NRXN1: variants seen among roughly 807,000 people sequenced by gnomAD.
NRXN1 encodes neurexin 1.
A neutral mutation model predicts 150.9 loss-of-function variants in NRXN1; 39 were observed. The observed-to-expected ratio is 0.26, with a 90% CI of 0.20 to 0.34. The LOEUF (loss-of-function observed/expected upper bound fraction) is 0.34, where lower values mean the gene tolerates loss of function less well. Ranked by LOEUF, NRXN1 falls within the 10% of genes least tolerant of loss-of-function variation. The pLI is 1.00. For missense variants in NRXN1, 1,815 were observed against 1,949.9 expected (o/e 0.93, Z 1.30); for synonymous variants, 924 against 757.0 (o/e 1.22, Z -3.62).
intron 8 of NRXN1, among the ~76,000 whole-genome samples, chr2:50,581,578 T>C (rs1672267643): frequency 6.6e-6 from 1 of 152,198 alleles, no homozygotes; most frequent in Non-Finnish European, 1.5e-5. Flanking sequence ...TTTTCTGTGA[T>C]AATTTTTATT....
rs556206169 is a variant in NRXN1 at position 50,216,397 on chromosome 2, T to C, written c.3546+20392A>G. 1.0e-3 allele frequency among the ~76,000 whole-genome samples: 156 copies of C among 152,170 alleles called. 1 individual carries two copies. The South Asian group carries it at 0.031, about 31-fold the overall frequency. On this transcript the variant is annotated intron_variant, in intron 18 of 22. Coordinates refer to ENST00000401669, the MANE Select transcript of NRXN1 (RefSeq NM_001330078.2). Reference sequence around the variant, plus strand: ...GAGAAGAAGGGTTCAATTTAAGATATTTGATTTTGAAGTTGAATGAGGATA... The same window carrying C: ...GAGAAGAAGGGTTCAATTTAAGATACTTGATTTTGAAGTTGAATGAGGATA...
intron 15 of NRXN1, among the ~76,000 whole-genome samples, chr2:50,487,194 G>A (rs114152002): frequency 6.6e-6 from 1 of 152,138 alleles, no homozygotes; most frequent in African/African-American, 2.4e-5. Context: ...GGATGATGGT[G>A]ATGATGATGG....
chr2:50,069,466 A>G (rs1413501969), intron 19 of NRXN1, among the ~76,000 whole-genome samples: 1 of 152,158 alleles, frequency 6.6e-6, no homozygotes, highest in Non-Finnish European at 1.5e-5. Context: ...TTAATTTTAG[A>G]GCCATTAAAA....
At chr2:50,139,324 CAAA>C (rs35142652) in intron 18 of NRXN1, among the ~76,000 whole-genome samples, 20 of 77,388 alleles carry the variant, frequency 2.6e-4, no homozygotes, top group Non-Finnish European at 3.3e-4. Flanking sequence ...GACTTGGTAT[CAAA>C]AAAAAAAAAA....
In NRXN1 at chr2:51,027,705, T is replaced by G; in HGVS notation, c.569A>C (p.Asn190Thr). 6.2e-7 allele frequency: 1 copy of G among 1,607,488 alleles called. No homozygotes were observed. The highest frequency in any genetic ancestry group is 8.5e-7 in the Non-Finnish European group (1 of 1,176,742). ...GTCCACGGGCAGGACCTGCGAGGAG[T>G]TGACCCTCACGTCACGAATCCACCC... ...FKGWIRDVRV[N>T]SSQVLPVDSG... is the part of the protein sequence containing the mutation. The change falls in exon 2 of 23, where the codon AAC becomes ACC. Residue 190 changes from asparagine (N) to threonine (T), a missense_variant. Physicochemically the swap from Asn to Thr is moderately conservative, Grantham distance 65. Coordinates refer to ENST00000401669, the MANE Select transcript of NRXN1 (RefSeq NM_001330078.2).
At chr2:50,272,039 A>C (rs1030433557) in intron 17 of NRXN1, among the ~76,000 whole-genome samples, 3 of 152,094 alleles carry the variant, frequency 2.0e-5, no homozygotes, top group African/African-American at 7.2e-5. Flanking sequence ...TATTTACAGA[A>C]CTCAAAGTGC....
intron 2 of NRXN1, among the ~76,000 whole-genome samples, chr2:50,951,961 A>ATATAT (rs1691418641): frequency 6.0e-5 from 5 of 82,664 alleles, no homozygotes; most frequent in Non-Finnish European, 8.4e-5. Context: ...ATATATATAT[A>ATATAT]TATTTTTTTT....
rs190022474 is a variant in NRXN1, at chr2:50,728,093, A to T, written c.833-104478T>A. Among the ~76,000 whole-genome samples the T allele has an allele frequency of 2.8e-4, 43 of 152,314 alleles. No homozygotes were observed. The East Asian group carries it at 3.9e-3, about 14-fold the overall frequency. On this transcript the variant is annotated intron_variant, in intron 5 of 22. Transcript: ENST00000401669. ...CAACAATATCCATGATGCAAATAGC[A>T]TACTGTTAGATGTAGTGACATTGTG...
chr2:50,272,849 C>G (rs911038772), intron 17 of NRXN1, among the ~76,000 whole-genome samples: 2 of 151,756 alleles, frequency 1.3e-5, no homozygotes. Flanking sequence ...AAAATGCATG[C>G]TACTTATTAA....
At chr2:50,201,188 T>C (rs1019533349) in intron 18 of NRXN1, among the ~76,000 whole-genome samples, 1 of 152,210 alleles carries the variant, frequency 6.6e-6, no homozygotes, top group African/African-American at 2.4e-5. Context: ...CTTACTGCTA[T>C]GCAATAAATT....
intron 5 of NRXN1, among the ~76,000 whole-genome samples, chr2:50,744,335 A>G (rs1247518093): frequency 1.3e-5 from 2 of 152,294 alleles, no homozygotes; most frequent in South Asian, 2.1e-4. Flanking sequence ...GAGGCCATCA[A>G]GACCTCACAA....
chr2:50,909,946 T>C (rs1264715149), intron 5 of NRXN1, among the ~76,000 whole-genome samples: 1 of 151,900 alleles, frequency 6.6e-6, no homozygotes, highest in Non-Finnish European at 1.5e-5. Flanking sequence ...ATCTCACCTT[T>C]GTTACTTAGA....
intron 8 of NRXN1, among the ~76,000 whole-genome samples, chr2:50,571,760 G>T (rs1036084009): frequency 3.3e-5 from 5 of 152,048 alleles, no homozygotes; most frequent in African/African-American, 1.2e-4. Flanking sequence ...AATGCCTCAA[G>T]GGAAGTTCCT....
intron 5 of NRXN1, among the ~76,000 whole-genome samples, chr2:50,913,169 G>C (rs1157716375): frequency 3.3e-5 from 5 of 151,756 alleles, no homozygotes. Context: ...CATTCTTTTA[G>C]GTCAGTATAG....
At chr2:50,742,607 CAAAAAAAA>C (rs376431319) in intron 5 of NRXN1, among the ~76,000 whole-genome samples, 10 of 69,866 alleles carry the variant, frequency 1.4e-4, no homozygotes, top group Non-Finnish European at 1.9e-4. Flanking sequence ...GACTCCGTCT[CAAAAAAAA>C]AAAAAAAAGA....
intron 18 of NRXN1, among the ~76,000 whole-genome samples, chr2:50,118,705 G>T (rs529103357): frequency 6.6e-6 from 1 of 152,226 alleles, no homozygotes; most frequent in African/African-American, 2.4e-5. Context: ...GTGGTACTAG[G>T]CTCAAGAAAT....
chr2:50,984,257 T>C (rs1435437826), intron 2 of NRXN1, among the ~76,000 whole-genome samples: 1 of 150,444 alleles, frequency 6.6e-6, no homozygotes, highest in Non-Finnish European at 1.5e-5. Context: ...AGTGTTGGGA[T>C]TACAGGCATG....
chr2:50,955,494 T>A (rs1692136655), intron 2 of NRXN1, among the ~76,000 whole-genome samples: 1 of 152,226 alleles, frequency 6.6e-6, no homozygotes, highest in African/African-American at 2.4e-5. Context: ...ATATGGCAGC[T>A]TAAAAGTAAA....
chr2:50,379,740 A>T (rs148251619), intron 17 of NRXN1, among the ~76,000 whole-genome samples: 13 of 152,298 alleles, frequency 8.5e-5, no homozygotes, highest in African/African-American at 3.1e-4. Context: ...GGAAATCTCC[A>T]CAAACAGTGT....
Sources: gnomAD v4.1 joint callset for allele counts (sites outside exome capture counted in the v4.1 genomes callset) on GRCh38, gnomAD v4.1.1 for gene constraint, MANE v1.5 for transcripts, NCBI Gene and HGNC (gene_info 2026-07-23, HGNC 2026-07-21) for gene names.